The following KHDRBS2 variants were observed in gnomAD, a reference collection of about 807,000 sequenced individuals.
KHDRBS2 encodes the protein KH domain-containing, RNA-binding, signal transduction-associated protein 2.
Under a neutral mutation model 44.3 loss-of-function variants are expected in KHDRBS2, and 26 were observed. That is an observed-to-expected ratio of 0.59 (90% CI 0.43 to 0.81). The LOEUF is 0.81. KHDRBS2 is among the 40% of genes least tolerant of loss of function. The pLI, the probability that KHDRBS2 is intolerant of heterozygous loss-of-function variation, is 0.00. For missense variants in KHDRBS2, 476 were observed against 433.1 expected (o/e 1.10, Z -0.88); for synonymous variants, 194 against 151.1 (o/e 1.28, Z -2.08).
chr6:61,890,629 C>A (rs1354036540), intron 6 of KHDRBS2, among the ~76,000 whole-genome samples: 2 of 152,168 alleles, frequency 1.3e-5, no homozygotes, highest in Non-Finnish European at 2.9e-5. Context: ...ACCATAGTGA[C>A]AACGTACATA....
chr6:62,127,764 A>G (rs896497719), intron 2 of KHDRBS2, among the ~76,000 whole-genome samples: 1 of 152,170 alleles, frequency 6.6e-6, no homozygotes, highest in African/African-American at 2.4e-5. Flanking sequence ...TTGTCTTTCA[A>G]GTCTAACATT....
At chr6:62,026,487 C>A (rs1783352510) in intron 3 of KHDRBS2, among the ~76,000 whole-genome samples, 1 of 150,082 alleles carries the variant, frequency 6.7e-6, no homozygotes, top group Non-Finnish European at 1.5e-5. Flanking sequence ...GGCTGGATGG[C>A]AGAGGCACAA....
chr6:61,578,991 G>T, the KHDRBS2 span, among the ~76,000 whole-genome samples: 1 of 152,280 alleles, frequency 6.6e-6, no homozygotes, highest in East Asian at 1.9e-4. Context: ...CAAACACAAA[G>T]TGTGACAGCT....
intron 3 of KHDRBS2, among the ~76,000 whole-genome samples, chr6:62,037,790 T>C (rs1304317855): frequency 6.6e-6 from 1 of 152,034 alleles, no homozygotes; most frequent in African/African-American, 2.4e-5. Flanking sequence ...GCAAGAATAC[T>C]GGCATAACAG....
In KHDRBS2 at chr6:61,716,723, T is replaced by A. The variant is rs373099006; in HGVS notation, c.893+15959A>T. On this transcript the variant is annotated intron_variant, in intron 7 of 8. Coordinates refer to ENST00000281156, the MANE Select transcript of KHDRBS2 (RefSeq NM_152688.4). ...ACAAACATTCCTGATTCCTTAAATA[T>A]GTTATTCATATGTTAAACTTTTTTG... Among the ~76,000 whole-genome samples, 340 of 152,226 alleles carry A rather than the reference T, an allele frequency of 2.2e-3. 1 individual carries two copies. The highest frequency in any genetic ancestry group is 8.0e-3 in the African/African-American group (331 of 41,558).
intron 1 of KHDRBS2, among the ~76,000 whole-genome samples, chr6:62,210,562 C>T (rs1054115955): frequency 2.0e-5 from 3 of 152,012 alleles, no homozygotes; most frequent in African/African-American, 7.2e-5. Flanking sequence ...AACTCCTGAC[C>T]TCAGGTGATC....
chr6:62,281,148 T>TA (rs1474333572), intron 1 of KHDRBS2, among the ~76,000 whole-genome samples: 9 of 143,866 alleles, frequency 6.3e-5, no homozygotes, highest in Admixed American at 2.7e-4. Context: ...ATGATATTTT[T>TA]AAAACCCTCA....
At chr6:61,892,788 C>T (rs934635151) in intron 6 of KHDRBS2, among the ~76,000 whole-genome samples, 3 of 152,174 alleles carry the variant, frequency 2.0e-5, no homozygotes, top group Non-Finnish European at 4.4e-5. Context: ...AGACCTAATA[C>T]CATAAAAACC....
At chr6:61,917,625 G>A (rs1359150174) in intron 4 of KHDRBS2, among the ~76,000 whole-genome samples, 3 of 151,860 alleles carry the variant, frequency 2.0e-5, no homozygotes, top group Non-Finnish European at 4.4e-5. Context: ...AAGCCCTAAT[G>A]TAAACTATGA....
intron 2 of KHDRBS2, among the ~76,000 whole-genome samples, chr6:62,151,983 T>C (rs1181535603): frequency 6.6e-6 from 1 of 152,194 alleles, no homozygotes; most frequent in Non-Finnish European, 1.5e-5. Flanking sequence ...GGCAATATTT[T>C]ATTTCTCCAT....
chr6:61,919,934 T>C (rs996175790), intron 4 of KHDRBS2, among the ~76,000 whole-genome samples: 9 of 151,942 alleles, frequency 5.9e-5, no homozygotes, highest in Non-Finnish European at 1.0e-4. Context: ...TTTTTCCTCT[T>C]TTATGATTCT....
chr6:61,978,257 C>G (rs1371746658), intron 3 of KHDRBS2, 45 bp from the exon 4 acceptor site: 1 of 1,466,916 alleles, frequency 6.8e-7, no homozygotes, highest in Non-Finnish European at 9.4e-7. Flanking sequence ...ACTCATTTTA[C>G]ATTGATTTAA....
chr6:62,141,203 G>A (rs1395507909), intron 2 of KHDRBS2, among the ~76,000 whole-genome samples: 4 of 152,154 alleles, frequency 2.6e-5, no homozygotes, highest in African/African-American at 9.6e-5. Context: ...AGAGTAGAAT[G>A]CATATTGTAA....
At chr6:62,059,976 T>A (rs1241914249) in intron 2 of KHDRBS2, among the ~76,000 whole-genome samples, 1 of 151,832 alleles carries the variant, frequency 6.6e-6, no homozygotes, top group Admixed American at 6.6e-5. Flanking sequence ...AGTCTAGAAT[T>A]CTACAGGAAT....
intron 7 of KHDRBS2, among the ~76,000 whole-genome samples, chr6:61,705,954 T>C (rs1769468564): frequency 6.6e-6 from 1 of 151,896 alleles, no homozygotes; most frequent in Admixed American, 6.6e-5. Flanking sequence ...CCTACTAAAA[T>C]GTGATTTTCA....
chr6:62,168,650 T>C (rs1819190826), intron 2 of KHDRBS2, among the ~76,000 whole-genome samples: 1 of 152,156 alleles, frequency 6.6e-6, no homozygotes, highest in Admixed American at 6.6e-5. Flanking sequence ...TCTCCAAGGG[T>C]AATAATTGTC....
intron 2 of KHDRBS2, among the ~76,000 whole-genome samples, chr6:62,147,795 G>GA (rs2150103067): frequency 2.0e-5 from 3 of 151,994 alleles, no homozygotes; most frequent in South Asian, 4.1e-4. Flanking sequence ...CTCTTTACAC[G>GA]AAAGTTTCTT....
At chr6:62,082,345 CCCAACTTT>C (rs1797568356) in intron 2 of KHDRBS2, among the ~76,000 whole-genome samples, 1 of 114,174 alleles carries the variant, frequency 8.8e-6, no homozygotes, top group Non-Finnish European at 1.8e-5. Flanking sequence ...GTGTGAACAA[CCCAACTTT>C]ATTACATATC....
At chr6:61,912,145 T>C (rs1806167367) in intron 4 of KHDRBS2, among the ~76,000 whole-genome samples, 1 of 151,850 alleles carries the variant, frequency 6.6e-6, no homozygotes, top group South Asian at 2.1e-4. Flanking sequence ...AAGGAGAAAA[T>C]GATGAAAAAC....
Sources: allele counts gnomAD v4.1 joint callset (sites outside exome capture counted in the v4.1 genomes callset), GRCh38; gene constraint gnomAD v4.1.1; transcripts MANE v1.5; gene names NCBI Gene and HGNC (gene_info 2026-07-23, HGNC 2026-07-21).